Variants in CLSPN observed in about 807,000 individuals in gnomAD.
CLSPN encodes the protein claspin.
CLSPN carries 85 observed loss-of-function variants against 156.3 expected under a neutral mutation model. That is an observed-to-expected ratio of 0.54 (90% CI 0.46 to 0.65). The LOEUF is 0.65. Ranked by LOEUF, CLSPN falls within the 30% of genes least tolerant of loss-of-function variation. CLSPN has a pLI of 0.00. For missense variants in CLSPN, 1,407 were observed against 1,554.9 expected, an observed-to-expected ratio of 0.90 and a Z score of 1.60; for synonymous variants, 534 against 542.4, an observed-to-expected ratio of 0.98 and a Z score of 0.22.
chr1:35,753,628 G>T, intron 9 of CLSPN, 117 bp downstream of exon 9: 2 of 970,620 alleles, frequency 2.1e-6, no homozygotes, highest in Non-Finnish European at 3.1e-6. Context: ...ATACTGCTCT[G>T]CAAAGCCTCC....
intron 24 of CLSPN, among the ~76,000 whole-genome samples, chr1:35,724,087 GA>G (rs1641128771): frequency 6.6e-6 from 1 of 152,180 alleles, no homozygotes; most frequent in Admixed American, 6.5e-5. Context: ...AAAGGGTAAG[GA>G]AAGGCTTCAC....
At chr1:35,769,752 G>T in intron 1 of CLSPN, 95 bp downstream of exon 1, 2 of 1,238,018 alleles carry the variant, frequency 1.6e-6, no homozygotes, top group African/African-American at 1.6e-5. Context: ...CCTCCCGCCC[G>T]GGCGCCTCGG....
At chr1:35,756,935 G>A (rs1286961538) in intron 8 of CLSPN, among the ~76,000 whole-genome samples, 1 of 152,148 alleles carries the variant, frequency 6.6e-6, no homozygotes, top group Admixed American at 6.5e-5. Flanking sequence ...AAGAGCTAAA[G>A]TCCAAGCTCC....
Position 35,761,183 on chromosome 1 carries a change from T to C in CLSPN, c.917A>G (p.Tyr306Cys). The stretch of plus-strand genomic sequence containing the variant: ...AATGGTTTTATTCTCAGGCATATGA[T>C]ATGGAAGGTTCAGTGCAGACTCTAT... ...LIRESALNLP[Y>C]HMPENKTIHD... The change falls in exon 7 of 25, where the codon TAT becomes TGT. Residue 306 changes from tyrosine (Y) to cysteine (C), a missense_variant. Tyr to Cys is a radical substitution (Grantham distance 194). Around this residue, in one of 3 missense-constraint regions of CLSPN, gnomAD observed 1,096 missense variants for 1,193.0 expected, o/e 0.92. Coordinates refer to ENST00000318121, the MANE Select transcript of CLSPN (RefSeq NM_022111.4). 1.2e-6 allele frequency: 2 copies of C among 1,612,374 alleles called. No individual in the cohort carries two copies. The highest frequency in any genetic ancestry group is 8.5e-7 in the Non-Finnish European group (1 of 1,178,388).
intron 24 of CLSPN, among the ~76,000 whole-genome samples, chr1:35,726,152 CAAAAAAA>C (rs3041363): frequency 7.3e-4 from 35 of 48,206 alleles, no homozygotes; most frequent in South Asian, 2.2e-3. Flanking sequence ...CAGATGCAGA[CAAAAAAA>C]AAAAAAAAAA....
In CLSPN at chr1:35,761,185, T is replaced by A. The variant is rs150516931; in HGVS notation, c.915A>T (p.Pro305=). The A allele has an allele frequency of 6.2e-7, 1 of 1,611,994 alleles. No individual in the cohort carries two copies. The highest frequency in any genetic ancestry group is 8.5e-7 in the Non-Finnish European group (1 of 1,178,156). Residue 305 remains proline (P), a synonymous_variant, in exon 7 of 25, where the codon CCA becomes CCT. Transcript: ENST00000318121. Reference sequence around the variant, plus strand: ...TGGTTTTATTCTCAGGCATATGATATGGAAGGTTCAGTGCAGACTCTATAA... The same window carrying A: ...TGGTTTTATTCTCAGGCATATGATAAGGAAGGTTCAGTGCAGACTCTATAA... ...RLIRESALNL[P]YHMPENKTIH...
At chr1:35,743,892 G>T (rs941982744) in intron 16 of CLSPN, among the ~76,000 whole-genome samples, 3 of 152,122 alleles carry the variant, frequency 2.0e-5, no homozygotes, top group African/African-American at 7.2e-5. Flanking sequence ...AAAGTACTGG[G>T]ATTATAGGTA....
chr1:35,765,468 T>C lies in CLSPN; in HGVS notation c.25-142A>G, dbSNP rs1208385510. On this transcript the variant is annotated intron_variant, in intron 1 of 24. Coordinates refer to ENST00000318121, the MANE Select transcript of CLSPN (RefSeq NM_022111.4). The stretch of plus-strand genomic sequence containing the variant: ...AATGGTTCCTTGAAGGGATGACATT[T>C]AGAATTACTGGACAACAAACAAACA... The C allele has an allele frequency of 5.3e-6, 3 of 569,890 alleles. No individual in the cohort carries two copies. In the East Asian group the frequency reaches 8.9e-5, roughly 17 times the overall value. 35.3% of individuals were successfully genotyped at this position (569,890 alleles called of 1,614,324 possible). A position where few individuals can be genotyped will look rare whatever the true frequency, so the allele number is the denominator to read the frequency against.
chr1:35,769,972 T>C lies in CLSPN; in HGVS notation c.-102A>G, dbSNP rs1185771657. ...CGTCTCCAGCCCAGCAGTGCTGTTC[T>C]TGCTTTCCCGCCCAGCCAGAGTGGA... On this transcript the variant is annotated 5_prime_UTR_variant, in exon 1 of 25. Coordinates refer to ENST00000318121, the MANE Select transcript of CLSPN (RefSeq NM_022111.4). 31 of 1,427,468 alleles carry C rather than the reference T, an allele frequency of 2.2e-5. No homozygotes were observed. The highest frequency in any genetic ancestry group is 1.8e-4 in the African/African-American group (13 of 70,508). The allele number at this position is 1,427,468 out of a possible 1,614,324, so 88.4% of individuals were successfully genotyped here. A position where few individuals can be genotyped will look rare whatever the true frequency, so the allele number is the denominator to read the frequency against.
chr1:35,737,434 G>C lies in CLSPN; in HGVS notation c.3665-13C>G. ...ATAGGGCGACTGGCTGGAAAGAAAA[G>C]ACAGAGAGGCCTATTCTGGGAAAAG... On this transcript the variant is annotated splice_polypyrimidine_tract_variant and intron_variant, in intron 22 of 24. Transcript: ENST00000318121. 3 of 1,603,008 alleles carry C rather than the reference G, an allele frequency of 1.9e-6. No homozygotes were observed. The highest frequency in any genetic ancestry group is 2.6e-6 in the Non-Finnish European group (3 of 1,170,158).
rs762904458 is a variant in CLSPN, at chr1:35,736,995, A to G, written c.3828T>C (p.Ala1276=). 3 of 1,614,022 alleles carry G rather than the reference A, an allele frequency of 1.9e-6. No homozygotes were observed. The highest frequency in any genetic ancestry group is 2.7e-5 in the African/African-American group (2 of 74,920). The part of the protein sequence containing the change: ...LAALSDHNPS[A]PRNSRNFVFH... ...AGACAAAGTTTCTTGAATTTCGAGG[A>G]GCACTGGGGTTATGGTCAGAGAGAG... The change falls in exon 24 of 25, where the codon GCT becomes GCC. Residue 1276 remains alanine, a synonymous_variant. Transcript: ENST00000318121.
At chr1:35,753,627 T>G in intron 9 of CLSPN, 118 bp downstream of exon 9, 2 of 958,330 alleles carry the variant, frequency 2.1e-6, no homozygotes, top group South Asian at 1.6e-5. Flanking sequence ...GATACTGCTC[T>G]GCAAAGCCTC....
At chr1:35,766,446 A>G (rs927770059) in intron 1 of CLSPN, among the ~76,000 whole-genome samples, 3 of 151,698 alleles carry the variant, frequency 2.0e-5, no homozygotes, top group African/African-American at 7.3e-5. Flanking sequence ...TGCTATGTGT[A>G]TATTTCTTTT....
downstream of CLSPN, among the ~76,000 whole-genome samples, chr1:35,728,341 C>T (rs1025426819): frequency 2.6e-5 from 4 of 152,074 alleles, no homozygotes; most frequent in African/African-American, 9.7e-5. Context: ...CTCAACCTCC[C>T]AAAGTGCTGG....
downstream of CLSPN, among the ~76,000 whole-genome samples, chr1:35,731,024 A>AC (rs1641304106): frequency 6.6e-6 from 1 of 151,232 alleles, no homozygotes; most frequent in Admixed American, 6.6e-5. Context: ...ACATAGTGAA[A>AC]CCCCGTCTCT....
Position 35,748,160 on chromosome 1 carries a change from CT to C in CLSPN, c.2473-100del, listed in dbSNP as rs1641955765. 10 of 1,388,352 alleles carry C rather than the reference CT, an allele frequency of 7.2e-6. No homozygotes were observed. The South Asian group carries it at 1.4e-4, about 19-fold the overall frequency. The allele number at this position is 1,388,352 out of a possible 1,614,324, so 86.0% of individuals were successfully genotyped here. A position where few individuals can be genotyped will look rare whatever the true frequency, so the allele number is the denominator to read the frequency against. On this transcript the variant is annotated intron_variant, in intron 13 of 24. Transcript: ENST00000318121. ...GTTGCTATTTGCAATATTTAAGCTACTCTCAGGAAATTGTAGTTGAGGGGGA... is the reference window on the plus strand; with the variant it reads ...GTTGCTATTTGCAATATTTAAGCTACCTCAGGAAATTGTAGTTGAGGGGGA...
At position 35,764,609 on chromosome 1, in the gene CLSPN, G is replaced by A; in HGVS notation, c.239C>T (p.Thr80Ile). Reference sequence around the variant, plus strand: ...ATTTTCCTCCTCGGCACTGTCATAGGTAGTTTTCTCTGGAGAGGCATTTGT... The same window carrying A: ...ATTTTCCTCCTCGGCACTGTCATAGATAGTTTTCTCTGGAGAGGCATTTGT... Reference protein sequence around the residue: ...EDTNASPEKTTYDSAEEENKE... With the variant: ...EDTNASPEKTIYDSAEEENKE... Residue 80 changes from threonine (T) to isoleucine (I), a missense_variant, in exon 3 of 25, where the codon ACC becomes ATC. By Grantham distance (89) the Thr-to-Ile change is moderately conservative. This residue lies in a region of CLSPN where 1,096 missense variants were observed against 1,193.0 expected (regional missense o/e 0.92). Coordinates refer to ENST00000318121, the MANE Select transcript of CLSPN (RefSeq NM_022111.4). 6.2e-7 allele frequency: 1 copy of A among 1,613,654 alleles called. No homozygotes were observed. Among genetic ancestry groups the A allele is most frequent in the Non-Finnish European group, 8.5e-7 (1 of 1,179,826 alleles).
Position 35,732,675 on chromosome 1 carries a change from A to G in CLSPN, c.*3821T>C, listed in dbSNP as rs888762293. ...ACACTCATGGGCTCTCATCCCTCCAAATATGTAATTTCCAAGCTAGTGAAG... is the reference window on the plus strand; with the variant it reads ...ACACTCATGGGCTCTCATCCCTCCAGATATGTAATTTCCAAGCTAGTGAAG... On this transcript the variant is annotated 3_prime_UTR_variant, in exon 25 of 25. Coordinates refer to ENST00000318121, the MANE Select transcript of CLSPN (RefSeq NM_022111.4). 2.0e-6 allele frequency: 2 copies of G among 985,290 alleles called. No homozygotes were observed. Among genetic ancestry groups the G allele is most frequent in the African/African-American group, 1.7e-5 (1 of 57,236 alleles). The allele number at this position is 985,290 out of a possible 1,614,324, so 61.0% of individuals were successfully genotyped here.
chr1:35,730,165 G>A (rs570167462), downstream of CLSPN, among the ~76,000 whole-genome samples: 191 of 152,312 alleles, frequency 1.3e-3, 1 homozygote, highest in African/African-American at 4.3e-3. Flanking sequence ...GATATGCTCT[G>A]TTTTCACAGC....
Sources: gnomAD v4.1 joint callset for allele counts (sites outside exome capture counted in the v4.1 genomes callset) on GRCh38, gnomAD v4.1.1 for gene constraint, gnomAD v4.1.1 regional missense constraint, MANE v1.5 for transcripts, NCBI Gene and HGNC (gene_info 2026-07-23, HGNC 2026-07-21) for gene names.